The following HGSNAT variants were observed in gnomAD, a reference collection of about 807,000 sequenced individuals.
The protein encoded by HGSNAT is transmembrane protein 76.
In HGSNAT, 59 loss-of-function variants were observed where a neutral mutation model predicts 85.2. The ratio of observed to expected loss-of-function variants is 0.69; its 90% CI spans 0.56 to 0.86. The LOEUF is 0.86. HGSNAT is among the 40% of genes least tolerant of loss of function. HGSNAT has a pLI of 0.00. For missense variants in HGSNAT, 756 were observed against 777.1 expected (o/e 0.97, Z 0.32); for synonymous variants, 321 against 304.5 (o/e 1.05, Z -0.56).
At chr8:43,148,096 C>T (rs1165607067) in intron 2 of HGSNAT, among the ~76,000 whole-genome samples, 4 of 151,782 alleles carry the variant, frequency 2.6e-5, no homozygotes, top group African/African-American at 9.7e-5. Flanking sequence ...TACAAAATTA[C>T]CGGGCATGGT....
chr8:43,171,482 A>G (rs955307486), intron 7 of HGSNAT, among the ~76,000 whole-genome samples: 1 of 152,192 alleles, frequency 6.6e-6, no homozygotes, highest in African/African-American at 2.4e-5. Context: ...TGCCTGATTC[A>G]CATTAAAAGT....
At chr8:43,161,398 A>T (rs1563362821) in intron 4 of HGSNAT, 40 bp from the exon 5 acceptor site, 1 of 1,516,284 alleles carries the variant, frequency 6.6e-7, no homozygotes, top group South Asian at 1.1e-5. Context: ...GTTCATGATG[A>T]CATTTTTGGG....
intron 5 of HGSNAT, among the ~76,000 whole-genome samples, chr8:43,162,126 A>G (rs1360446565): frequency 2.0e-5 from 3 of 152,252 alleles, no homozygotes; most frequent in Non-Finnish European, 4.4e-5. Context: ...TTCAAAGGAA[A>G]GTTTTTTTCA....
intron 4 of HGSNAT, among the ~76,000 whole-genome samples, chr8:43,159,951 T>TA (rs1266711689): frequency 6.6e-6 from 1 of 152,142 alleles, no homozygotes; most frequent in Non-Finnish European, 1.5e-5. Context: ...ACTATGAGGT[T>TA]ATATCAAAAG....
chr8:43,190,421 C>T (rs1325559072), intron 11 of HGSNAT, among the ~76,000 whole-genome samples: 2 of 152,062 alleles, frequency 1.3e-5, no homozygotes, highest in Admixed American at 6.6e-5. Context: ...GTTTGGGGGG[C>T]GTTTTAGTCA....
chr8:43,147,096 T>C (rs1802743225), intron 2 of HGSNAT, 33 bp downstream of exon 2: 3 of 1,304,954 alleles, frequency 2.3e-6, no homozygotes, highest in East Asian at 4.6e-5. Context: ...TTCTGTTTGC[T>C]TTGGGGCTTG....
At chr8:43,193,967 T>G (rs767761705) in intron 14 of HGSNAT, 124 bp downstream of exon 14, 1,397 of 1,465,988 alleles carry the variant, frequency 9.5e-4, no homozygotes, top group Non-Finnish European at 1.1e-3. Flanking sequence ...GCCTAATATA[T>G]TCTGTTATCT....
At chr8:43,190,124 G>A (rs1804477302) in intron 11 of HGSNAT, among the ~76,000 whole-genome samples, 1 of 152,172 alleles carries the variant, frequency 6.6e-6, no homozygotes, top group Non-Finnish European at 1.5e-5. Context: ...TATTTGCATT[G>A]CTTCTTTATC....
At position 43,170,569 on chromosome 8, in the gene HGSNAT, C is replaced by G. The variant is rs201193888; in HGVS notation, c.634-16C>G. The G allele has an allele frequency of 1.3e-6, 2 of 1,566,632 alleles. No homozygotes were observed. Among genetic ancestry groups the G allele is most frequent in the Admixed American group, 3.6e-5 (2 of 55,854 alleles). On this transcript the variant is annotated splice_polypyrimidine_tract_variant and intron_variant, in intron 6 of 17. Transcript: ENST00000379644. ...TAGCATTATGAGTTGTCATCTTTCT[C>G]CCTTTTTTTCTGAAGGAGCTGGGAT...
chr8:43,179,660 G>T (rs1249639891), intron 10 of HGSNAT, among the ~76,000 whole-genome samples: 1 of 14,222 alleles, frequency 7.0e-5, no homozygotes, highest in African/African-American at 3.3e-4. Context: ...CCAGGCGGGG[G>T]GCTGATCCCC....
At chr8:43,160,923 G>C (rs1803247386) in intron 4 of HGSNAT, among the ~76,000 whole-genome samples, 1 of 152,158 alleles carries the variant, frequency 6.6e-6, no homozygotes, top group Non-Finnish European at 1.5e-5. Context: ...GGATTTGCTT[G>C]ATGTTTGGTG....
chr8:43,170,236 C>T (rs1471674571), intron 6 of HGSNAT, among the ~76,000 whole-genome samples: 1 of 152,188 alleles, frequency 6.6e-6, no homozygotes, highest in Non-Finnish European at 1.5e-5. Context: ...AATCCCAGCA[C>T]TTTAGGAGGC....
In HGSNAT at chr8:43,158,662, G is replaced by A. The variant is rs1427202401; in HGVS notation, c.322G>A (p.Gly108Arg). The change falls in exon 3 of 18, where the codon GGA becomes AGA. Residue 108 changes from glycine (G) to arginine (R), a missense_variant. By Grantham distance (125) the Gly-to-Arg change is moderately radical. Coordinates refer to ENST00000379644, the MANE Select transcript of HGSNAT (RefSeq NM_152419.3). ...AGCTGCCTCTGTCAGCACCCAGCAC[G>A]GATCTATCCTGCAGCTGAACGACAC... ...AAAASVSTQH[G>R]SILQLNDTLE... 74 of 1,613,566 alleles carry A rather than the reference G, an allele frequency of 4.6e-5. 1 individual carries two copies. The Middle Eastern group carries it at 4.9e-4, about 11-fold the overall frequency.
chr8:43,173,525 G>T (rs1331962632), intron 8 of HGSNAT, among the ~76,000 whole-genome samples, 188 bp from the exon 9 acceptor site: 1 of 152,076 alleles, frequency 6.6e-6, no homozygotes, highest in Non-Finnish European at 1.5e-5. Context: ...GGCCAGGCTA[G>T]TCTCGAACTC....
At chr8:43,169,116 C>T in intron 5 of HGSNAT, 57 bp from the exon 6 acceptor site, 1 of 982,836 alleles carries the variant, frequency 1.0e-6, no homozygotes, top group Non-Finnish European at 1.5e-6. Context: ...AATATCCAAT[C>T]ATTTAAAAAA....
intron 14 of HGSNAT, among the ~76,000 whole-genome samples, chr8:43,195,655 T>TGGAGGAGGAGGAGGGGGGAGA: frequency 1.5e-5 from 1 of 67,552 alleles, no homozygotes; most frequent in South Asian, 7.7e-4. Flanking sequence ...GAGGAGGGGC[T>TGGAGGAGGAGGAGGGGGGAGA]GGAGGAGGAG....
intron 5 of HGSNAT, among the ~76,000 whole-genome samples, chr8:43,162,745 T>C (rs1344548900): frequency 6.6e-6 from 1 of 151,840 alleles, no homozygotes; most frequent in Non-Finnish European, 1.5e-5. Flanking sequence ...AATTTTTGTA[T>C]TTTTAGTGGA....
intron 6 of HGSNAT, 63 bp downstream of exon 6, chr8:43,169,305 C>T: frequency 9.6e-7 from 1 of 1,042,448 alleles, no homozygotes; most frequent in Non-Finnish European, 1.4e-6. Flanking sequence ...TTTATAGTTT[C>T]TTATTTAATC....
chr8:43,151,538 C>T (rs537963596), intron 2 of HGSNAT, among the ~76,000 whole-genome samples: 3 of 152,150 alleles, frequency 2.0e-5, no homozygotes, highest in Non-Finnish European at 4.4e-5. Flanking sequence ...TGTATATATT[C>T]GTTTCACAAA....
Sources: gnomAD v4.1 joint callset for allele counts (sites outside exome capture counted in the v4.1 genomes callset) on GRCh38, gnomAD v4.1.1 for gene constraint, MANE v1.5 for transcripts, NCBI Gene and HGNC (gene_info 2026-07-23, HGNC 2026-07-21) for gene names.